Variants in TOGARAM2 observed in about 807,000 individuals in gnomAD.
The protein encoded by TOGARAM2 is TOG array regulator of axonemal microtubules protein 2.
TOGARAM2 carries 85 observed loss-of-function variants against 93.3 expected under a neutral mutation model. That is an observed-to-expected ratio of 0.91 (90% CI 0.76 to 1.09). The LOEUF is 1.09. Among genes scored for constraint, TOGARAM2 ranks in the 50% least tolerant of loss-of-function variants. The pLI is 0.00. For synonymous variants in TOGARAM2, 593 were observed against 552.8 expected (o/e 1.07, Z -1.02); for missense variants, 1,277 against 1,334.5 (o/e 0.96, Z 0.67).
intron 1 of TOGARAM2, among the ~76,000 whole-genome samples, chr2:28,982,424 C>T (rs967557797): frequency 6.6e-6 from 1 of 152,142 alleles, no homozygotes; most frequent in African/African-American, 2.4e-5. Context: ...TGGTGCCTGG[C>T]CCCAGGAAGT....
intron 14 of TOGARAM2, among the ~76,000 whole-genome samples, chr2:29,030,650 G>A (rs1665713334): frequency 6.6e-6 from 1 of 152,118 alleles, no homozygotes; most frequent in Non-Finnish European, 1.5e-5. Flanking sequence ...TGGTTTCCAT[G>A]GCACTGTACT....
intron 1 of TOGARAM2, among the ~76,000 whole-genome samples, chr2:28,967,053 G>A (rs932328059): frequency 2.6e-5 from 4 of 152,348 alleles, no homozygotes; most frequent in Admixed American, 2.6e-4. Context: ...AAAAAGGAAA[G>A]CGGCAGCTTT....
intron 1 of TOGARAM2, among the ~76,000 whole-genome samples, chr2:28,972,089 A>T (rs766876316): frequency 2.0e-5 from 3 of 152,038 alleles, no homozygotes; most frequent in Non-Finnish European, 4.4e-5. Context: ...TTATTTATTT[A>T]TTCACATTTT....
chr2:29,002,793 C>T, intron 5 of TOGARAM2, 46 bp downstream of exon 5: 2 of 1,541,886 alleles, frequency 1.3e-6, no homozygotes, highest in Non-Finnish European at 1.8e-6. Context: ...GCTTCTTGCC[C>T]TCCCTTCCTC....
chr2:29,008,533 T>A (rs1313158423), intron 6 of TOGARAM2, among the ~76,000 whole-genome samples: 11 of 152,356 alleles, frequency 7.2e-5, no homozygotes, highest in African/African-American at 2.4e-4. Context: ...CTCTGCTTAT[T>A]GTAACCTCTG....
At chr2:28,979,083 A>G (rs918588209), upstream of TOGARAM2, among the ~76,000 whole-genome samples, 1 of 152,102 alleles carries the variant, frequency 6.6e-6, no homozygotes, top group Non-Finnish European at 1.5e-5. Flanking sequence ...AGTTCCAGAG[A>G]GCTTCCAGGT....
chr2:29,042,654 C>A (rs1051081888), intron 18 of TOGARAM2, among the ~76,000 whole-genome samples: 4 of 152,242 alleles, frequency 2.6e-5, no homozygotes, highest in African/African-American at 9.6e-5. Flanking sequence ...TTGGCTCCCA[C>A]ACACAGCTGC....
intron 10 of TOGARAM2, among the ~76,000 whole-genome samples, chr2:29,020,095 T>C (rs1219765346): frequency 2.0e-5 from 3 of 152,188 alleles, no homozygotes; most frequent in African/African-American, 4.8e-5. Flanking sequence ...CCGGTCCCCA[T>C]TGGCTGGGGT....
At chr2:28,996,653 C>T (rs146999540) in intron 2 of TOGARAM2, among the ~76,000 whole-genome samples, 1,781 of 151,824 alleles carry the variant, frequency 0.012, 18 homozygotes, top group Non-Finnish European at 0.018. Context: ...GAAACCCTGT[C>T]TCTATGAAAA....
At chr2:29,029,754 T>TAAAAAAAAA (rs764355917) in intron 14 of TOGARAM2, among the ~76,000 whole-genome samples, 65 of 127,094 alleles carry the variant, frequency 5.1e-4, no homozygotes, top group Admixed American at 9.1e-4. Flanking sequence ...AGGCTCTGTC[T>TAAAAAAAAA]AAAAAAAAAA....
intron 4 of TOGARAM2, among the ~76,000 whole-genome samples, chr2:29,000,152 C>G (rs1673209988): frequency 6.6e-6 from 1 of 152,006 alleles, no homozygotes; most frequent in East Asian, 1.9e-4. Context: ...TATTTAAAAC[C>G]TGAATCTTGC....
chr2:29,032,458 AT>A (rs1228833643), intron 14 of TOGARAM2, among the ~76,000 whole-genome samples: 1 of 152,180 alleles, frequency 6.6e-6, no homozygotes, highest in Non-Finnish European at 1.5e-5. Context: ...CATCAGGTAG[AT>A]TGACTACACC....
At chr2:29,043,675 C>T (rs1330166004) in intron 18 of TOGARAM2, among the ~76,000 whole-genome samples, 1 of 152,196 alleles carries the variant, frequency 6.6e-6, no homozygotes, top group Non-Finnish European at 1.5e-5. Flanking sequence ...CAACTTCCTA[C>T]TGAATTAAGT....
intron 1 of TOGARAM2, among the ~76,000 whole-genome samples, chr2:28,970,365 A>C (rs1035628860): frequency 2.0e-5 from 3 of 152,176 alleles, no homozygotes; most frequent in Non-Finnish European, 4.4e-5. Flanking sequence ...CAGTTTCCTC[A>C]TCTATAAAGT....
chr2:29,037,474 T>G (rs1263806741), intron 18 of TOGARAM2, among the ~76,000 whole-genome samples: 1 of 152,244 alleles, frequency 6.6e-6, no homozygotes, highest in African/African-American at 2.4e-5. Flanking sequence ...GTTTGCCTTG[T>G]TGCTGTGTGT....
At chr2:29,044,334 C>T (rs566555820) in intron 18 of TOGARAM2, among the ~76,000 whole-genome samples, 1 of 152,288 alleles carries the variant, frequency 6.6e-6, no homozygotes, top group Non-Finnish European at 1.5e-5. Context: ...CTCAGACCAC[C>T]TGGAGTTTAC....
intron 1 of TOGARAM2, among the ~76,000 whole-genome samples, chr2:28,989,231 G>C (rs1230160130): frequency 6.6e-6 from 1 of 151,906 alleles, no homozygotes; most frequent in Non-Finnish European, 1.5e-5. Context: ...TGTATTTTTT[G>C]GTAGAGATGG....
chr2:29,046,964 C>CA (rs889186167), intron 19 of TOGARAM2: 1 of 152,564 alleles, frequency 6.6e-6, no homozygotes, highest in African/African-American at 2.4e-5. Context: ...CTCAAGACTG[C>CA]ATCCCACATG....
intron 1 of TOGARAM2, among the ~76,000 whole-genome samples, chr2:28,972,695 C>A (rs1472929412): frequency 1.3e-5 from 2 of 152,162 alleles, no homozygotes; most frequent in African/African-American, 4.8e-5. Context: ...AGGCATGATT[C>A]CAGACCACAG....
Sources: allele counts gnomAD v4.1 joint callset (sites outside exome capture counted in the v4.1 genomes callset), GRCh38; gene constraint gnomAD v4.1.1; transcripts MANE v1.5; gene names NCBI Gene and HGNC (gene_info 2026-07-23, HGNC 2026-07-21).